The following CISD1 variants were observed in gnomAD, a reference collection of about 807,000 sequenced individuals.
CISD1 encodes the protein CDGSH iron-sulfur domain-containing protein 1.
A neutral mutation model predicts 12.0 loss-of-function variants in CISD1; 8 were observed. The ratio of observed to expected loss-of-function variants is 0.67; its 90% CI spans 0.39 to 1.20. The LOEUF (loss-of-function observed/expected upper bound fraction) is 1.20, where lower values mean the gene tolerates loss of function less well. Among genes scored for constraint, CISD1 ranks in the 50% most tolerant of loss-of-function variants. CISD1 has a pLI of 0.01. For synonymous variants in CISD1, 38 were observed against 42.2 expected (o/e 0.90, Z 0.39); for missense variants, 107 against 132.7 (o/e 0.81, Z 0.95).
At chr10:58,275,585 G>C (rs1839303388) in intron 1 of CISD1, among the ~76,000 whole-genome samples, 2 of 152,134 alleles carry the variant, frequency 1.3e-5, no homozygotes, top group South Asian at 4.1e-4. Context: ...GTGTTTATTA[G>C]GGAATTATAG....
intron 1 of CISD1, among the ~76,000 whole-genome samples, 200 bp from the exon 2 acceptor site, chr10:58,276,917 A>G (rs1839321133): frequency 1.3e-5 from 2 of 152,268 alleles, no homozygotes; most frequent in Admixed American, 6.5e-5. Flanking sequence ...AGTAGAAAAT[A>G]CACAATTGCT....
intron 1 of CISD1, among the ~76,000 whole-genome samples, chr10:58,274,167 C>T (rs2132277786): frequency 6.6e-6 from 1 of 152,222 alleles, no homozygotes; most frequent in South Asian, 2.1e-4. Context: ...AATTGGGTCT[C>T]AGTAAAGTTC....
intron 2 of CISD1, 113 bp from the exon 3 acceptor site, chr10:58,287,447 TA>T (rs1839441258): frequency 9.3e-6 from 6 of 645,846 alleles, no homozygotes; most frequent in Admixed American, 3.2e-5. Flanking sequence ...AAAGCCTATA[TA>T]AGATAGCCAA....
chr10:58,271,925 C>T (rs1383320168), intron 1 of CISD1, among the ~76,000 whole-genome samples: 1 of 152,120 alleles, frequency 6.6e-6, no homozygotes, highest in African/African-American at 2.4e-5. Flanking sequence ...TACTAAGTGG[C>T]CTTCACTGCC....
intron 2 of CISD1, among the ~76,000 whole-genome samples, chr10:58,281,956 TG>T: frequency 6.6e-6 from 1 of 151,660 alleles, no homozygotes; most frequent in South Asian, 2.1e-4. Flanking sequence ...GAAATTGGCT[TG>T]GCTTTTTTTT....
At chr10:58,274,359 A>T (rs1839286283) in intron 1 of CISD1, among the ~76,000 whole-genome samples, 1 of 150,338 alleles carries the variant, frequency 6.7e-6, no homozygotes, top group South Asian at 2.1e-4. Context: ...CTTTTCCTTT[A>T]GAGTTGCCAG....
intron 2 of CISD1, among the ~76,000 whole-genome samples, chr10:58,278,768 A>G (rs1174912112): frequency 6.6e-6 from 1 of 152,166 alleles, no homozygotes; most frequent in Non-Finnish European, 1.5e-5. Flanking sequence ...AAAAATTTGA[A>G]ATATTTTGAA....
At chr10:58,274,128 A>G (rs1192832716) in intron 1 of CISD1, among the ~76,000 whole-genome samples, 1 of 151,272 alleles carries the variant, frequency 6.6e-6, no homozygotes, top group Non-Finnish European at 1.5e-5. Context: ...GCAAGACTCC[A>G]TCTCAAAAAA....
At position 58,287,753 on chromosome 10, in the gene CISD1, A is replaced by G; in HGVS notation, c.*103A>G. On this transcript the variant is annotated 3_prime_UTR_variant, in exon 3 of 3. Transcript: ENST00000333926. ...CTGATTCACCTTCGCTGGATTCTAA[A>G]TGTGGTATATTGCAAACTGCAGCTT... is the stretch of plus-strand genomic sequence containing the variant. The G allele has an allele frequency of 1.6e-6, 1 of 618,050 alleles. No individual in the cohort carries two copies. The highest frequency in any genetic ancestry group is 2.7e-6 in the Non-Finnish European group (1 of 365,806). 38.3% of individuals were successfully genotyped at this position (618,050 alleles called of 1,614,324 possible).
At chr10:58,273,775 G>T (rs901327718) in intron 1 of CISD1, among the ~76,000 whole-genome samples, 3 of 151,994 alleles carry the variant, frequency 2.0e-5, no homozygotes, top group Non-Finnish European at 4.4e-5. Flanking sequence ...GATTACACAA[G>T]GTCTGGTAGG....
intron 1 of CISD1, among the ~76,000 whole-genome samples, chr10:58,270,978 C>T (rs1432664458): frequency 6.6e-6 from 1 of 152,044 alleles, no homozygotes; most frequent in Non-Finnish European, 1.5e-5. Flanking sequence ...ATCCTTTCTC[C>T]TTGGTCCCCT....
intron 2 of CISD1, among the ~76,000 whole-genome samples, chr10:58,281,332 G>C (rs1373930765): frequency 6.6e-6 from 1 of 152,238 alleles, no homozygotes; most frequent in African/African-American, 2.4e-5. Context: ...GAGGGAATGA[G>C]ACCAGTCATT....
In CISD1 at chr10:58,269,220, CGAACCCGTTT is replaced by C. The variant is rs1301122689; in HGVS notation, c.-51_-42del. 11 of 1,588,354 alleles carry C rather than the reference CGAACCCGTTT, an allele frequency of 6.9e-6. No homozygotes were observed. Among genetic ancestry groups the C allele is most frequent in the Non-Finnish European group, 9.4e-6 (11 of 1,166,784 alleles). On this transcript the variant is annotated 5_prime_UTR_variant, in exon 1 of 3. Coordinates refer to ENST00000333926, the MANE Select transcript of CISD1 (RefSeq NM_018464.5). ...GGCACCTTTACTCTCGCCGGCCGCG[CGAACCCGTTT>C]GAGCTCGGTATCCTAGTGCACACGC...
intron 2 of CISD1, among the ~76,000 whole-genome samples, chr10:58,283,692 A>G (rs907797012): frequency 6.6e-6 from 1 of 152,250 alleles, no homozygotes; most frequent in Admixed American, 6.5e-5. Context: ...TAGCATTGCT[A>G]GCTTTCCAGG....
chr10:58,280,350 G>A (rs899266893), intron 2 of CISD1, among the ~76,000 whole-genome samples: 10 of 152,142 alleles, frequency 6.6e-5, no homozygotes, highest in Admixed American at 5.2e-4. Context: ...AAAAGATTTC[G>A]GGGAAAGGAT....
At position 58,288,921 on chromosome 10, in the gene CISD1, AC is replaced by A. The variant is rs1839459293; in HGVS notation, c.*1273del. 2 of 152,242 alleles carry A rather than the reference AC, an allele frequency of 1.3e-5. No homozygotes were observed. The allele number at this position is 152,242 out of a possible 1,614,324, so 9.4% of individuals were successfully genotyped here. ...AATTTCTACTTGCTAAAATCCATTT[AC>A]CTTGACAGGAATCAAACCTGACAGC... On this transcript the variant is annotated 3_prime_UTR_variant, in exon 3 of 3. Coordinates refer to ENST00000333926, the MANE Select transcript of CISD1 (RefSeq NM_018464.5).
chr10:58,277,505 C>T (rs1389902111), intron 2 of CISD1, among the ~76,000 whole-genome samples, 183 bp downstream of exon 2: 2 of 151,920 alleles, frequency 1.3e-5, no homozygotes, highest in East Asian at 3.9e-4. Flanking sequence ...CTGCAACCTC[C>T]ACCTCCCGGT....
chr10:58,281,888 T>C (rs924747305), intron 2 of CISD1, among the ~76,000 whole-genome samples: 1 of 152,028 alleles, frequency 6.6e-6, no homozygotes, highest in Admixed American at 6.5e-5. Flanking sequence ...TAAAAACATA[T>C]CCCTCCCTTT....
At chr10:58,276,347 A>T (rs1374104508) in intron 1 of CISD1, 1 of 151,930 alleles carries the variant, frequency 6.6e-6, no homozygotes, top group Non-Finnish European at 1.5e-5. Flanking sequence ...TTTTATAGAA[A>T]ATTAAAATAT....
Sources: gnomAD v4.1 joint callset for allele counts (sites outside exome capture counted in the v4.1 genomes callset) on GRCh38, gnomAD v4.1.1 for gene constraint, MANE v1.5 for transcripts, NCBI Gene and HGNC (gene_info 2026-07-23, HGNC 2026-07-21) for gene names.